The following SLAMF7 variants were observed in gnomAD, a reference collection of about 807,000 sequenced individuals.
The protein encoded by SLAMF7 is 19A24 protein.
Under a neutral mutation model 34.1 loss-of-function variants are expected in SLAMF7, and 26 were observed. That is an observed-to-expected ratio of 0.76 (90% CI 0.56 to 1.06). The LOEUF (loss-of-function observed/expected upper bound fraction) is 1.06. Among genes scored for constraint, SLAMF7 ranks in the 50% least tolerant of loss-of-function variants. The pLI is 0.00. For synonymous variants in SLAMF7, 171 were observed against 156.4 expected, an observed-to-expected ratio of 1.09 and a Z score of -0.70; for missense variants, 399 against 402.5, an observed-to-expected ratio of 0.99 and a Z score of 0.07.
chr1:160,754,541 A>C lies in SLAMF7; in HGVS notation c.*1364A>C, dbSNP rs1325823590. On this transcript the variant is annotated 3_prime_UTR_variant, in exon 7 of 7. Transcript: ENST00000368043. ...ACAGAGCTCACCATCTCTTATACTTAAGTGAAAAACATGGGGAAGGGGAAA... is the reference window on the plus strand; with the variant it reads ...ACAGAGCTCACCATCTCTTATACTTCAGTGAAAAACATGGGGAAGGGGAAA... The C allele has an allele frequency of 6.6e-6, 1 of 152,362 alleles. No homozygotes were observed. The highest frequency in any genetic ancestry group is 2.4e-5 in the African/African-American group (1 of 41,452). The allele number at this position is 152,362 out of a possible 1,614,324, so 9.4% of individuals were successfully genotyped here.
chr1:160,741,992 G>C (rs1356080687), intron 1 of SLAMF7, among the ~76,000 whole-genome samples: 1 of 152,144 alleles, frequency 6.6e-6, no homozygotes, highest in Non-Finnish European at 1.5e-5. Context: ...GAGGCACCAA[G>C]TGTTCAGAGA....
At position 160,753,798 on chromosome 1, in the gene SLAMF7, C is replaced by A. The variant is rs1405796408; in HGVS notation, c.*621C>A. 1.3e-5 allele frequency: 2 copies of A among 152,600 alleles called. No homozygotes were observed. Among genetic ancestry groups the A allele is most frequent in the African/African-American group, 2.4e-5 (1 of 41,456 alleles). 9.5% of individuals were successfully genotyped at this position (152,600 alleles called of 1,614,324 possible). A position where few individuals can be genotyped will look rare whatever the true frequency, so the allele number is the denominator to read the frequency against. ...TCATGAGCAGTTGTAGCAGGCCTGA[C>A]CACAGATTCCCAGAGGGCCAGGTGT... On this transcript the variant is annotated 3_prime_UTR_variant, in exon 7 of 7. Coordinates refer to ENST00000368043, the MANE Select transcript of SLAMF7 (RefSeq NM_021181.5).
At chr1:160,752,324 T>A (rs776799445) in intron 6 of SLAMF7, 76 bp downstream of exon 6, 23 of 1,238,138 alleles carry the variant, frequency 1.9e-5, no homozygotes, top group Non-Finnish European at 2.5e-5. Context: ...TCAAAATTTC[T>A]TGGACCCAGG....
chr1:160,752,152 A>G, intron 5 of SLAMF7, 34 bp from the exon 6 acceptor site: 1 of 1,562,366 alleles, frequency 6.4e-7, no homozygotes, highest in South Asian at 1.1e-5. Flanking sequence ...GAGGTGGGTG[A>G]TGATTTCTTT....
At chr1:160,746,306 G>T (rs1454087492) in intron 1 of SLAMF7, among the ~76,000 whole-genome samples, 2 of 152,160 alleles carry the variant, frequency 1.3e-5, no homozygotes, top group Admixed American at 6.5e-5. Context: ...ATGGAAGAAG[G>T]ACCAACAAGG....
At chr1:160,744,002 T>C (rs1260028981) in intron 1 of SLAMF7, among the ~76,000 whole-genome samples, 1 of 152,196 alleles carries the variant, frequency 6.6e-6, no homozygotes, top group Non-Finnish European at 1.5e-5. Context: ...TCCCTTTCCA[T>C]AACACATGTA....
intron 6 of SLAMF7, 61 bp downstream of exon 6, chr1:160,752,309 T>C: frequency 6.9e-7 from 1 of 1,443,368 alleles, no homozygotes; most frequent in Non-Finnish European, 9.7e-7. Context: ...TGCTTCATGT[T>C]TAGGTCAAAA....
At chr1:160,750,133 G>A (rs1276123769) in intron 3 of SLAMF7, 40 bp downstream of exon 3, 8 of 1,599,312 alleles carry the variant, frequency 5.0e-6, no homozygotes, top group East Asian at 2.2e-5. Context: ...CTCTGCCCAG[G>A]TCCTACACCT....
intron 4 of SLAMF7, 127 bp downstream of exon 4, chr1:160,750,550 C>T: frequency 1.8e-6 from 2 of 1,129,508 alleles, no homozygotes; most frequent in Non-Finnish European, 2.5e-6. Flanking sequence ...ATGAAGAAGC[C>T]ACAGTCTCTG....
At chr1:160,748,922 G>A (rs1050905673) in intron 2 of SLAMF7, among the ~76,000 whole-genome samples, 1 of 152,178 alleles carries the variant, frequency 6.6e-6, no homozygotes, top group Non-Finnish European at 1.5e-5. Flanking sequence ...ACAACCAATT[G>A]ATAAATAGAT....
intron 1 of SLAMF7, among the ~76,000 whole-genome samples, chr1:160,746,653 A>C (rs1664154736): frequency 6.6e-6 from 1 of 152,264 alleles, no homozygotes; most frequent in Non-Finnish European, 1.5e-5. Context: ...TTGCAAAAGA[A>C]TAAGAATATT....
chr1:160,750,397 G>A lies in SLAMF7; in HGVS notation c.743G>A (p.Trp248Ter), dbSNP rs370138407. Reference sequence around the variant, plus strand: ...CTCTTTGTACTGGGGCTATTTCTTTGGTTTCTGAAGAGAGAGAGACAAGAA... The same window carrying A: ...CTCTTTGTACTGGGGCTATTTCTTTAGTTTCTGAAGAGAGAGAGACAAGAA... Reference protein sequence around the residue: ...LSLFVLGLFLWFLKRERQEEY... With the variant: ...LSLFVLGLFL The change falls in exon 4 of 7, where the codon TGG (tryptophan) becomes TAG (stop). Residue 248 changes from tryptophan (W) to a stop codon, truncating the protein, a stop_gained. Transcript: ENST00000368043. LOFTEE classifies it high-confidence loss of function. 3 of 1,613,784 alleles carry A rather than the reference G, an allele frequency of 1.9e-6. No homozygotes were observed. Among genetic ancestry groups the A allele is most frequent in the African/African-American group, 2.7e-5 (2 of 74,884 alleles).
At chr1:160,750,471 C>T (rs1416263422) in intron 4 of SLAMF7, 48 bp downstream of exon 4, 2 of 1,594,912 alleles carry the variant, frequency 1.3e-6, no homozygotes, top group South Asian at 1.1e-5. Flanking sequence ...TGTTTTTCTC[C>T]TTCACTGATT....
At chr1:160,741,764 T>A (rs1213060206) in intron 1 of SLAMF7, among the ~76,000 whole-genome samples, 1 of 152,134 alleles carries the variant, frequency 6.6e-6, no homozygotes, top group African/African-American at 2.4e-5. Context: ...GGTGGCGCCA[T>A]GGGGCACAGT....
rs142843575 is a variant in SLAMF7 at position 160,739,321 on chromosome 1, G to A, written c.20G>A (p.Cys7Tyr). Residue 7 changes from cysteine (C) to tyrosine (Y), a missense_variant, in exon 1 of 7, where the codon TGC becomes TAC. Transcript: ENST00000368043. Reference sequence around the variant, plus strand: ...AGCAATATGGCTGGTTCCCCAACATGCCTCACCCTCATCTATATCCTTTGG... The same window carrying A: ...AGCAATATGGCTGGTTCCCCAACATACCTCACCCTCATCTATATCCTTTGG... MAGSPT[C>Y]LTLIYILWQL... The A allele has an allele frequency of 2.1e-4, 341 of 1,613,796 alleles. 1 individual carries two copies. The highest frequency in any genetic ancestry group is 2.7e-4 in the Non-Finnish European group (322 of 1,179,894).
chr1:160,740,379 G>A (rs1477546967), intron 1 of SLAMF7, among the ~76,000 whole-genome samples: 1 of 152,034 alleles, frequency 6.6e-6, no homozygotes, highest in Non-Finnish European at 1.5e-5. Flanking sequence ...GAAAATTATA[G>A]AGACTTTGAA....
At chr1:160,745,501 A>G (rs1385435114) in intron 1 of SLAMF7, among the ~76,000 whole-genome samples, 1 of 152,164 alleles carries the variant, frequency 6.6e-6, no homozygotes, top group Non-Finnish European at 1.5e-5. Flanking sequence ...CCCTTGGATA[A>G]GTTACTTAGC....
Position 160,748,212 on chromosome 1 carries a change from C to A in SLAMF7, c.74C>A (p.Pro25His), listed in dbSNP as rs754224812. The part of the protein sequence containing the change: ...WQLTGSAASG[P>H]VKELVGSVGG... Reference sequence around the variant, plus strand: ...TTTATAGGGTCAGCAGCCTCTGGACCCGTGAAAGAGCTGGTCGGTTCCGTT... The same window carrying A: ...TTTATAGGGTCAGCAGCCTCTGGACACGTGAAAGAGCTGGTCGGTTCCGTT... The change falls in exon 2 of 7, where the codon CCC becomes CAC. Residue 25 changes from proline (P) to histidine (H), a missense_variant. Coordinates refer to ENST00000368043, the MANE Select transcript of SLAMF7 (RefSeq NM_021181.5). The A allele has an allele frequency of 1.9e-6, 3 of 1,613,812 alleles. No individual in the cohort carries two copies. In the African/African-American group the frequency reaches 4.0e-5, roughly 22 times the overall value.
At chr1:160,751,901 T>TATATAC (rs1187210844) in intron 5 of SLAMF7, 2 of 128,826 alleles carry the variant, frequency 1.6e-5, no homozygotes, top group Admixed American at 8.1e-5. Context: ...TATATATATA[T>TATATAC]ACACACACAT....
Sources: gnomAD v4.1 joint callset for allele counts (sites outside exome capture counted in the v4.1 genomes callset) on GRCh38, gnomAD v4.1.1 for gene constraint, MANE v1.5 for transcripts, NCBI Gene and HGNC (gene_info 2026-07-23, HGNC 2026-07-21) for gene names.